Variants in SPG7 observed in about 807,000 individuals in gnomAD.
SPG7 encodes mitochondrial inner membrane m-AAA protease component paraplegin.
A neutral mutation model predicts 81.9 loss-of-function variants in SPG7; 103 were observed. The observed-to-expected ratio is 1.26, with a 90% CI of 1.07 to 1.48. SPG7 has a LOEUF of 1.48. Among genes scored for constraint, SPG7 ranks in the 40% most tolerant of loss-of-function variants. The pLI is 0.00. For synonymous variants in SPG7, 534 were observed against 444.2 expected (o/e 1.20, Z -2.54); for missense variants, 1,241 against 1,087.3 (o/e 1.14, Z -1.99).
intron 3 of SPG7, among the ~76,000 whole-genome samples, chr16:89,513,406 C>T (rs1406198555): frequency 6.6e-6 from 1 of 151,896 alleles, no homozygotes; most frequent in Non-Finnish European, 1.5e-5. Flanking sequence ...ATCCCAGCTA[C>T]TCGGGAGGCT....
intron 13 of SPG7, 26 bp downstream of exon 13, chr16:89,550,635 A>G: frequency 1.9e-6 from 3 of 1,553,000 alleles, no homozygotes; most frequent in Non-Finnish European, 1.8e-6. Context: ...TGCCGGCTCC[A>G]CGGGCCTTGG....
intron 5 of SPG7, among the ~76,000 whole-genome samples, chr16:89,527,627 T>C (rs1438254810): frequency 6.6e-6 from 1 of 152,060 alleles, no homozygotes; most frequent in Non-Finnish European, 1.5e-5. Flanking sequence ...CTCATTTCAG[T>C]GTTGAGAGGG....
intron 3 of SPG7, among the ~76,000 whole-genome samples, chr16:89,515,067 G>T (rs527288175): frequency 1.3e-5 from 2 of 150,856 alleles, no homozygotes; most frequent in African/African-American, 2.4e-5. Context: ...CTCCCGAGTA[G>T]CTGGGACTAC....
At chr16:89,553,193 C>G in intron 14 of SPG7, 58 bp downstream of exon 14, 1 of 1,512,944 alleles carries the variant, frequency 6.6e-7, no homozygotes, top group East Asian at 2.4e-5. Flanking sequence ...TGCATGACTC[C>G]TTCTGTTCCA....
In SPG7 at chr16:89,527,003, G is replaced by T. The variant is rs997048320; in HGVS notation, c.758+535G>T. 1.7e-5 allele frequency: 4 copies of T among 234,998 alleles called. No homozygotes were observed. In the Admixed American group the frequency reaches 2.1e-4, roughly 12 times the overall value. The allele number at this position is 234,998 out of a possible 1,614,324, so 14.6% of individuals were successfully genotyped here. A position where few individuals can be genotyped will look rare whatever the true frequency, so the allele number is the denominator to read the frequency against. On this transcript the variant is annotated intron_variant, in intron 5 of 16. Transcript: ENST00000645818. ...TAGGATGGCGAAGTCTCAGCCCCTG[G>T]TGTAAAATGCCGAAATCTTTGTGTG...
Position 89,536,476 on chromosome 16 carries a change from G to GC in SPG7, c.1324+3841dup, listed in dbSNP as rs149246489. ...CGGTGAGGCGGGTGAGGCGGGTGAG[G>GC]CGGGTGAGGTCAGGTGAGGCAGGTG... On this transcript the variant is annotated intron_variant, in intron 9 of 16. Transcript: ENST00000645818. Among the ~76,000 whole-genome samples the GC allele has an allele frequency of 0.13, 8,078 of 60,456 alleles. 2,265 individuals are homozygous for GC. Among genetic ancestry groups the GC allele is most frequent in the Middle Eastern group, 0.4 (24 of 60 alleles). The allele number at this position is 60,456 out of a possible 152,430, so 39.7% of individuals were successfully genotyped here.
At chr16:89,546,820 G>A in intron 11 of SPG7, 60 bp downstream of exon 11, 1 of 1,135,996 alleles carries the variant, frequency 8.8e-7, no homozygotes, top group Non-Finnish European at 1.3e-6. Flanking sequence ...GGTGTCACCT[G>A]CGCAAACAGC....
chr16:89,540,216 A>C (rs1035688094), intron 9 of SPG7: 5 of 152,236 alleles, frequency 3.3e-5, no homozygotes, highest in African/African-American at 1.2e-4. Context: ...TAATTTTTAG[A>C]ATACGCTTGT....
In SPG7 at chr16:89,532,531, A is replaced by T; in HGVS notation, c.1219A>T (p.Ile407Phe). ...ARARAPCIVY[I>F]DEIDAVGKKR... ...AGCCCGGGCCCCCTGCATCGTCTAC[A>T]TCGATGAGATCGACGCGGTGGGCAA... The change falls in exon 9 of 17, where the codon ATC becomes TTC. Residue 407 changes from isoleucine to phenylalanine, a missense_variant. By Grantham distance (21) the Ile-to-Phe change is conservative. Coordinates refer to ENST00000645818, the MANE Select transcript of SPG7 (RefSeq NM_003119.4). The T allele has an allele frequency of 6.2e-7, 1 of 1,613,714 alleles. No homozygotes were observed. Among genetic ancestry groups the T allele is most frequent in the Non-Finnish European group, 8.5e-7 (1 of 1,180,034 alleles).
chr16:89,527,480 A>G (rs2058280169), intron 5 of SPG7: 1 of 152,218 alleles, frequency 6.6e-6, no homozygotes, highest in Admixed American at 6.5e-5. Context: ...GTAAGCGATC[A>G]CTTTCAGTTA....
chr16:89,513,680 C>G (rs1024078370), intron 3 of SPG7, among the ~76,000 whole-genome samples: 6 of 152,122 alleles, frequency 3.9e-5, no homozygotes, highest in Non-Finnish European at 8.8e-5. Context: ...ACTCACAGCC[C>G]CAGGGGGCAG....
Position 89,510,538 on chromosome 16 carries a change from T to C in SPG7, c.232T>C (p.Leu78=). The C allele has an allele frequency of 6.2e-7, 1 of 1,612,976 alleles. No homozygotes were observed. Residue 78 remains leucine (L), a synonymous_variant, in exon 2 of 17, where the codon TTG becomes CTG. Coordinates refer to ENST00000645818, the MANE Select transcript of SPG7 (RefSeq NM_003119.4). ...LTPTFEGING[L]LLKQHLVQNP... ...CCCTACCTTTGAAGGGATCAACGGATTGTTGTTGAAACAACATTTAGTTCA... is the reference window on the plus strand; with the variant it reads ...CCCTACCTTTGAAGGGATCAACGGACTGTTGTTGAAACAACATTTAGTTCA...
At chr16:89,535,519 C>T (rs1403579482) in intron 9 of SPG7, among the ~76,000 whole-genome samples, 1 of 152,236 alleles carries the variant, frequency 6.6e-6, no homozygotes, top group Non-Finnish European at 1.5e-5. Flanking sequence ...CAGGAACTAA[C>T]GCGTGAGCAA....
intron 3 of SPG7, among the ~76,000 whole-genome samples, chr16:89,513,997 G>A (rs2058056428): frequency 3.3e-5 from 5 of 152,060 alleles, no homozygotes; most frequent in Admixed American, 1.3e-4. Context: ...TGTGTGAGAC[G>A]CTGCATTTGC....
intron 1 of SPG7, 40 bp downstream of exon 1, chr16:89,508,640 C>T: frequency 1.4e-6 from 2 of 1,434,702 alleles, no homozygotes; most frequent in Non-Finnish European, 1.8e-6. Flanking sequence ...TCCCGCCCGG[C>T]TCTGCTCTGT....
At chr16:89,536,813 GAGGAA>G (rs755785216) in intron 9 of SPG7, 5 of 1,614,006 alleles carry the variant, frequency 3.1e-6, no homozygotes, top group Middle Eastern at 1.6e-4. Flanking sequence ...AGGAAGCTCA[GAGGAA>G]AGACCCCCGC....
chr16:89,543,649 C>CTTTTTTTT (rs749210071), intron 9 of SPG7: 1 of 65,268 alleles, frequency 1.5e-5, no homozygotes, highest in Admixed American at 1.5e-4. Flanking sequence ...CCAGTGGATT[C>CTTTTTTTT]TTTTTTTTTT....
At chr16:89,527,740 T>C (rs947687772) in intron 5 of SPG7, among the ~76,000 whole-genome samples, 1 of 152,288 alleles carries the variant, frequency 6.6e-6, no homozygotes, top group South Asian at 2.1e-4. Flanking sequence ...CAGAGGTTTA[T>C]TGTTGACTTG....
chr16:89,550,278 T>C, intron 12 of SPG7: 1 of 515,644 alleles, frequency 1.9e-6, no homozygotes, highest in South Asian at 1.9e-5. Flanking sequence ...GTTCAAGTGA[T>C]TCTCTTGCCT....
Sources: gnomAD v4.1 joint callset for allele counts (sites outside exome capture counted in the v4.1 genomes callset) on GRCh38, gnomAD v4.1.1 for gene constraint, MANE v1.5 for transcripts, NCBI Gene and HGNC (gene_info 2026-07-23, HGNC 2026-07-21) for gene names.